Variants in KAT6B observed in about 807,000 individuals in gnomAD.
The protein encoded by KAT6B is histone acetyltransferase KAT6B.
A neutral mutation model predicts 187.5 loss-of-function variants in KAT6B; 10 were observed. That is an observed-to-expected ratio of 0.05 (90% CI 0.03 to 0.09). KAT6B has a LOEUF of 0.09. Ranked by LOEUF, KAT6B falls within the 10% of genes least tolerant of loss-of-function variation. KAT6B has a pLI of 1.00. For synonymous variants in KAT6B, 861 were observed against 926.8 expected, an observed-to-expected ratio of 0.93 and a Z score of 1.29; for missense variants, 1,952 against 2,558.9, an observed-to-expected ratio of 0.76 and a Z score of 5.12.
At chr10:74,934,293 T>C (rs1020750616) in intron 3 of KAT6B, among the ~76,000 whole-genome samples, 1 of 152,144 alleles carries the variant, frequency 6.6e-6, no homozygotes, top group African/African-American at 2.4e-5. Context: ...TTTTCTGCCT[T>C]GGCAATTTTT....
At chr10:75,010,301 T>G (rs1056693226) in intron 13 of KAT6B, among the ~76,000 whole-genome samples, 1 of 152,264 alleles carries the variant, frequency 6.6e-6, no homozygotes, top group African/African-American at 2.4e-5. Context: ...ACAGTTTCTC[T>G]TACATTTCCA....
At chr10:74,985,787 G>A (rs537722367) in intron 12 of KAT6B, among the ~76,000 whole-genome samples, 3 of 152,186 alleles carry the variant, frequency 2.0e-5, no homozygotes, top group Non-Finnish European at 2.9e-5. Context: ...TGGCTTACGC[G>A]TGTAATCCCA....
chr10:75,002,991 G>A (rs574814957), intron 13 of KAT6B: 2 of 152,326 alleles, frequency 1.3e-5, no homozygotes, highest in Admixed American at 1.3e-4. Context: ...TTCCCTTCTA[G>A]TGTGTGATTC....
chr10:74,963,786 G>C (rs1044232078), intron 4 of KAT6B, among the ~76,000 whole-genome samples: 4 of 152,090 alleles, frequency 2.6e-5, no homozygotes, highest in African/African-American at 9.7e-5. Context: ...CATTAGGTTG[G>C]AAAGAAGACT....
At chr10:74,937,945 C>T (rs1256777686) in intron 3 of KAT6B, among the ~76,000 whole-genome samples, 1 of 152,164 alleles carries the variant, frequency 6.6e-6, no homozygotes, top group African/African-American at 2.4e-5. Context: ...GGTGAATCCT[C>T]ATATCGAAAT....
chr10:74,833,426 A>G (rs913618582), intron 1 of KAT6B, among the ~76,000 whole-genome samples: 14 of 152,324 alleles, frequency 9.2e-5, no homozygotes, highest in South Asian at 2.1e-4. Flanking sequence ...CAAGGGATCA[A>G]ATTTCCTGTG....
intron 13 of KAT6B, among the ~76,000 whole-genome samples, chr10:74,998,225 T>TA (rs56893482): frequency 1 from 152,277 of 152,278 alleles, 76,138 homozygotes; most frequent in Non-Finnish European, 1. Flanking sequence ...AGTGTGGGAT[T>TA]CAGGTGTGAG....
In KAT6B at chr10:75,009,046, T is replaced by C. The variant is rs543017151; in HGVS notation, c.2630-11536T>C. 3.9e-5 allele frequency among the ~76,000 whole-genome samples: 6 copies of C among 152,344 alleles called. No homozygotes were observed. In the East Asian group the frequency reaches 1.2e-3, roughly 29 times the overall value. ...AAGAGACAGTTACATAATTTACACTTCCAATCTACTTGTCTATAATCACAC... is the reference window on the plus strand; with the variant it reads ...AAGAGACAGTTACATAATTTACACTCCCAATCTACTTGTCTATAATCACAC... On this transcript the variant is annotated intron_variant, in intron 13 of 17. Coordinates refer to ENST00000287239, the MANE Select transcript of KAT6B (RefSeq NM_012330.4).
intron 3 of KAT6B, among the ~76,000 whole-genome samples, chr10:74,861,485 T>C (rs1483041530): frequency 1.3e-5 from 2 of 152,194 alleles, no homozygotes; most frequent in Non-Finnish European, 2.9e-5. Context: ...AACCTGTTTG[T>C]AAGGTAGGAC....
chr10:74,876,431 C>T (rs1273019610), intron 3 of KAT6B, among the ~76,000 whole-genome samples: 10 of 152,152 alleles, frequency 6.6e-5, no homozygotes, highest in Non-Finnish European at 1.3e-4. Flanking sequence ...ATTTCTAAGG[C>T]ATCTCCAAGT....
chr10:74,918,129 A>T (rs1475875646), intron 3 of KAT6B, among the ~76,000 whole-genome samples: 1 of 152,248 alleles, frequency 6.6e-6, no homozygotes, highest in Non-Finnish European at 1.5e-5. Context: ...AAAAGAGAAC[A>T]AATAATTATG....
chr10:74,933,123 A>T (rs1340592802), intron 3 of KAT6B, among the ~76,000 whole-genome samples: 2 of 152,054 alleles, frequency 1.3e-5, no homozygotes, highest in Non-Finnish European at 2.9e-5. Flanking sequence ...ACAACCCCCT[A>T]GGTTGCTGCA....
At chr10:74,892,215 C>G (rs1229028671) in intron 3 of KAT6B, among the ~76,000 whole-genome samples, 10 of 152,226 alleles carry the variant, frequency 6.6e-5, no homozygotes, top group Non-Finnish European at 1.5e-5. Flanking sequence ...ACAAAGTAAA[C>G]AAATTAGCCA....
At chr10:74,988,461 A>T (rs1842945033) in intron 12 of KAT6B, among the ~76,000 whole-genome samples, 1 of 152,170 alleles carries the variant, frequency 6.6e-6, no homozygotes. Context: ...TCCTGGTTTG[A>T]AATGCAGATT....
intron 3 of KAT6B, among the ~76,000 whole-genome samples, chr10:74,948,109 G>A (rs1840073649): frequency 6.6e-6 from 1 of 152,140 alleles, no homozygotes; most frequent in Admixed American, 6.5e-5. Flanking sequence ...TATGAATACT[G>A]CAATTGAAAG....
chr10:74,993,466 C>T lies in KAT6B; in HGVS notation c.2629+4354C>T, dbSNP rs561337879. 2.6e-5 allele frequency among the ~76,000 whole-genome samples: 4 copies of T among 152,196 alleles called. No homozygotes were observed. In the South Asian group the frequency reaches 8.3e-4, roughly 32 times the overall value. The stretch of plus-strand genomic sequence containing the variant: ...AGAGTAAGTTGAAGATGTGTTGCAC[C>T]TTTACCCCTAAATATTGCAGTTTTT... On this transcript the variant is annotated intron_variant, in intron 13 of 17. Transcript: ENST00000287239.
At chr10:74,976,704 G>C (rs1391583808) in intron 8 of KAT6B, 1 of 332,838 alleles carries the variant, frequency 3.0e-6, no homozygotes, top group Non-Finnish European at 5.7e-6. Context: ...TCAGTTGTGT[G>C]CTGTCAGTGC....
chr10:74,956,194 A>G (rs1253809935), intron 3 of KAT6B, among the ~76,000 whole-genome samples: 1 of 152,312 alleles, frequency 6.6e-6, no homozygotes, highest in Middle Eastern at 3.4e-3. Flanking sequence ...AAAAGTTGTT[A>G]CAGAGAATAT....
chr10:74,951,558 A>G (rs1454274378), intron 3 of KAT6B, among the ~76,000 whole-genome samples: 2 of 152,148 alleles, frequency 1.3e-5, no homozygotes, highest in Non-Finnish European at 2.9e-5. Flanking sequence ...AATCTGTCTT[A>G]TATAGTGACT....
Sources: gnomAD v4.1 joint callset for allele counts (sites outside exome capture counted in the v4.1 genomes callset) on GRCh38, gnomAD v4.1.1 for gene constraint, MANE v1.5 for transcripts, NCBI Gene and HGNC (gene_info 2026-07-23, HGNC 2026-07-21) for gene names.